The following DLG2 variants were observed in gnomAD, a reference collection of about 807,000 sequenced individuals.
The protein encoded by DLG2 is disks large homolog 2.
In DLG2, 45 loss-of-function variants were observed where a neutral mutation model predicts 132.5. The observed-to-expected ratio is 0.34, with a 90% CI of 0.27 to 0.44. DLG2 has a LOEUF of 0.44. DLG2 is among the 20% of genes least tolerant of loss of function. DLG2 has a pLI of 1.00. For missense variants in DLG2, 1,045 were observed against 1,196.9 expected (o/e 0.87, Z 1.87); for synonymous variants, 424 against 419.6 (o/e 1.01, Z -0.13).
chr11:83,467,886 AAG>A (rs1389899778), intron 25 of DLG2, among the ~76,000 whole-genome samples: 1 of 145,418 alleles, frequency 6.9e-6, no homozygotes, highest in African/African-American at 2.5e-5. Flanking sequence ...GTTAAATGCC[AAG>A]AGAGAAAGGC....
At chr11:85,400,992 A>T (rs1436442267) in intron 3 of DLG2, among the ~76,000 whole-genome samples, 1 of 151,898 alleles carries the variant, frequency 6.6e-6, no homozygotes, top group Non-Finnish European at 1.5e-5. Context: ...TTATGAGGCT[A>T]GCATCATCCT....
chr11:84,681,181 G>A (rs1037453871), intron 6 of DLG2, among the ~76,000 whole-genome samples: 2 of 152,170 alleles, frequency 1.3e-5, no homozygotes, highest in African/African-American at 4.8e-5. Flanking sequence ...AATCATATAG[G>A]AAAGCAGTGA....
intron 19 of DLG2, among the ~76,000 whole-genome samples, chr11:83,570,112 C>G (rs2096774136): frequency 6.6e-6 from 1 of 152,134 alleles, no homozygotes; most frequent in Non-Finnish European, 1.5e-5. Context: ...TACTATTATT[C>G]TAAATATCTA....
intron 6 of DLG2, among the ~76,000 whole-genome samples, chr11:85,009,602 T>A (rs11234264): frequency 6.6e-6 from 1 of 152,080 alleles, no homozygotes; most frequent in African/African-American, 2.4e-5. Context: ...ATGTAGAAAC[T>A]TTTTTTCTGT....
At chr11:84,018,606 C>G (rs1423749198) in intron 11 of DLG2, among the ~76,000 whole-genome samples, 1 of 151,266 alleles carries the variant, frequency 6.6e-6, no homozygotes, top group Non-Finnish European at 1.5e-5. Context: ...CACCTATAGT[C>G]TAGCAAAGGG....
rs185228340 is a variant in DLG2, at chr11:83,519,838, C to T, written c.2193+12870G>A. Reference sequence around the variant, plus strand: ...AGCAATCATTCCATCCATTGGCAATCGTAGATTCATATCTGTCTTTTTCTG... The same window carrying T: ...AGCAATCATTCCATCCATTGGCAATTGTAGATTCATATCTGTCTTTTTCTG... On this transcript the variant is annotated intron_variant, in intron 21 of 27. Transcript: ENST00000376104. 2.6e-5 allele frequency among the ~76,000 whole-genome samples: 4 copies of T among 152,292 alleles called. No individual in the cohort carries two copies. The East Asian group carries it at 5.8e-4, about 22-fold the overall frequency.
intron 3 of DLG2, among the ~76,000 whole-genome samples, chr11:85,479,335 T>C (rs529168173): frequency 6.6e-6 from 1 of 152,282 alleles, no homozygotes; most frequent in East Asian, 1.9e-4. Context: ...TGTCCTCAAA[T>C]GGCAAAAAGG....
intron 15 of DLG2, among the ~76,000 whole-genome samples, chr11:83,906,253 TCTCTCACACACACACACACACA>T (rs2074854504): frequency 1.0e-5 from 1 of 96,754 alleles, no homozygotes; most frequent in African/African-American, 4.1e-5. Context: ...TCTCTCTCTC[TCTCTCACACACACACACACACA>T]CACACACACA....
chr11:84,524,164 T>G (rs1442586667), intron 7 of DLG2, among the ~76,000 whole-genome samples: 1 of 152,214 alleles, frequency 6.6e-6, no homozygotes, highest in Non-Finnish European at 1.5e-5. Context: ...GAATCTGTGC[T>G]GGGTCCATTC....
chr11:85,089,342 C>T (rs2068410677), intron 6 of DLG2, among the ~76,000 whole-genome samples: 1 of 152,086 alleles, frequency 6.6e-6, no homozygotes, highest in African/African-American at 2.4e-5. Flanking sequence ...TGTCAATGTG[C>T]ATCCAATGTT....
intron 21 of DLG2, among the ~76,000 whole-genome samples, chr11:83,509,522 T>C (rs1284371151): frequency 6.6e-6 from 1 of 152,178 alleles, no homozygotes; most frequent in Non-Finnish European, 1.5e-5. Flanking sequence ...TTTTTCCTTT[T>C]TGACTACTCA....
At chr11:83,856,919 T>C (rs1430546307) in intron 16 of DLG2, among the ~76,000 whole-genome samples, 2 of 152,216 alleles carry the variant, frequency 1.3e-5, no homozygotes, top group East Asian at 3.8e-4. Flanking sequence ...TTCTGAATGG[T>C]ATTGCCTAGG....
chr11:84,377,657 G>A (rs1030568508), intron 7 of DLG2, among the ~76,000 whole-genome samples: 1 of 152,090 alleles, frequency 6.6e-6, no homozygotes, highest in Non-Finnish European at 1.5e-5. Context: ...TAGAATCTGA[G>A]GGTACATTAC....
At chr11:84,621,825 G>T (rs1013512511) in intron 6 of DLG2, among the ~76,000 whole-genome samples, 2 of 152,064 alleles carry the variant, frequency 1.3e-5, no homozygotes, top group Non-Finnish European at 2.9e-5. Flanking sequence ...AAGATGCTTG[G>T]GGGAAGGGTG....
chr11:85,062,073 A>G (rs1408968295), intron 6 of DLG2, among the ~76,000 whole-genome samples: 1 of 151,904 alleles, frequency 6.6e-6, no homozygotes. Context: ...TATAGTAAAT[A>G]GGCAAGGGTT....
chr11:83,565,495 A>C (rs2096691378), intron 19 of DLG2, among the ~76,000 whole-genome samples: 2 of 152,220 alleles, frequency 1.3e-5, no homozygotes, highest in Admixed American at 1.3e-4. Flanking sequence ...GCAACTTACA[A>C]ATCATATTTG....
intron 6 of DLG2, among the ~76,000 whole-genome samples, chr11:84,571,107 T>C (rs147560082): frequency 6.6e-6 from 1 of 152,014 alleles, no homozygotes; most frequent in South Asian, 2.1e-4. Flanking sequence ...TAAAAGGGAG[T>C]AAATAAAAAG....
rs1164078889 is a variant in DLG2, at chr11:85,584,511, T to C, written c.40+14146A>G. On this transcript the variant is annotated intron_variant, in intron 3 of 27. Coordinates refer to ENST00000376104, the MANE Select transcript of DLG2 (RefSeq NM_001142699.3). ...TTTCATATAATGACATCTTTTCCTC[T>C]AGGAAGATAACCAGTAGTGGGATTG... is the stretch of plus-strand genomic sequence containing the variant. Among the ~76,000 whole-genome samples, 3 of 152,196 alleles carry C rather than the reference T, an allele frequency of 2.0e-5. No individual in the cohort carries two copies. In the East Asian group the frequency reaches 5.8e-4, roughly 29 times the overall value.
At chr11:83,954,545 A>G (rs185936646) in intron 14 of DLG2, among the ~76,000 whole-genome samples, 79 of 152,346 alleles carry the variant, frequency 5.2e-4, no homozygotes, top group African/African-American at 1.6e-3. Flanking sequence ...CAGAAATGCA[A>G]CACAGAGCAA....
Sources: allele counts gnomAD v4.1 joint callset (sites outside exome capture counted in the v4.1 genomes callset), GRCh38; gene constraint gnomAD v4.1.1; transcripts MANE v1.5; gene names NCBI Gene and HGNC (gene_info 2026-07-23, HGNC 2026-07-21).